TTC28: variants seen among roughly 807,000 people sequenced by gnomAD.
TTC28 encodes the protein tetratricopeptide repeat domain 28.
TTC28 carries 61 observed loss-of-function variants against 198.0 expected under a neutral mutation model. The ratio of observed to expected loss-of-function variants is 0.31; its 90% confidence interval spans 0.25 to 0.38. TTC28 has a LOEUF of 0.38. TTC28 is among the 10% of genes least tolerant of loss of function. The pLI is 1.00. For missense variants in TTC28, 2,678 were observed against 3,164.0 expected, an observed-to-expected ratio of 0.85 and a Z score of 3.69; for synonymous variants, 1,171 against 1,297.8, an observed-to-expected ratio of 0.90 and a Z score of 2.10.
At chr22:28,634,513 A>G (rs1051791593) in intron 1 of TTC28, among the ~76,000 whole-genome samples, 1 of 151,376 alleles carries the variant, frequency 6.6e-6, no homozygotes, top group Non-Finnish European at 1.5e-5. Context: ...CTCAAAAAAA[A>G]AAAAAAAAAA....
At chr22:28,553,011 G>A (rs2145968141) in intron 2 of TTC28, among the ~76,000 whole-genome samples, 1 of 152,282 alleles carries the variant, frequency 6.6e-6, no homozygotes, top group South Asian at 2.1e-4. Flanking sequence ...CTGGTCTCCA[G>A]CTCCTAACCG....
chr22:28,074,747 C>CCT (rs541848848), intron 12 of TTC28, among the ~76,000 whole-genome samples: 1 of 123,180 alleles, frequency 8.1e-6, no homozygotes, highest in African/African-American at 3.0e-5. Flanking sequence ...ACCAGATTAT[C>CCT]CCCCCCCATG....
intron 3 of TTC28, among the ~76,000 whole-genome samples, chr22:28,298,372 C>T (rs893925101): frequency 1.3e-5 from 2 of 152,158 alleles, no homozygotes; most frequent in East Asian, 3.8e-4. Flanking sequence ...TACTGTAACA[C>T]CATAGCAAGT....
At chr22:28,224,756 A>G (rs1299763727) in intron 5 of TTC28, among the ~76,000 whole-genome samples, 7 of 152,172 alleles carry the variant, frequency 4.6e-5, no homozygotes, top group Non-Finnish European at 8.8e-5. Context: ...GTTCCTCCTG[A>G]GGCCCCAGCT....
chr22:28,372,704 A>G (rs1288859913), intron 2 of TTC28, among the ~76,000 whole-genome samples: 1 of 152,016 alleles, frequency 6.6e-6, no homozygotes, highest in African/African-American at 2.4e-5. Flanking sequence ...CTTTCTTCTC[A>G]ATGAATCTCA....
chr22:28,114,861 C>G (rs1229354235), intron 6 of TTC28, among the ~76,000 whole-genome samples: 1 of 152,260 alleles, frequency 6.6e-6, no homozygotes, highest in Non-Finnish European at 1.5e-5. Flanking sequence ...ACTGGGATTG[C>G]AGGGGTAAGC....
chr22:28,390,042 G>C (rs929394915), intron 2 of TTC28, among the ~76,000 whole-genome samples: 7 of 150,088 alleles, frequency 4.7e-5, no homozygotes, highest in African/African-American at 1.7e-4. Flanking sequence ...GGTATGTTGT[G>C]TCTTTGTTCT....
chr22:28,291,475 A>T (rs1404235353), intron 5 of TTC28, among the ~76,000 whole-genome samples: 1 of 152,236 alleles, frequency 6.6e-6, no homozygotes, highest in Non-Finnish European at 1.5e-5. Context: ...CCAAGTAGTG[A>T]TCAAAGAAAT....
At chr22:28,399,175 C>T (rs1336010294) in intron 2 of TTC28, among the ~76,000 whole-genome samples, 2 of 152,068 alleles carry the variant, frequency 1.3e-5, no homozygotes, top group Non-Finnish European at 2.9e-5. Context: ...TTCTTAACTT[C>T]TGGGGATTGC....
At chr22:28,210,126 C>T (rs902084046) in intron 5 of TTC28, among the ~76,000 whole-genome samples, 1 of 152,264 alleles carries the variant, frequency 6.6e-6, no homozygotes, top group East Asian at 1.9e-4. Context: ...CACACCAAAA[C>T]CCCATCTATA....
intron 2 of TTC28, among the ~76,000 whole-genome samples, chr22:28,330,805 A>G (rs1324269991): frequency 2.0e-5 from 3 of 152,202 alleles, no homozygotes; most frequent in African/African-American, 4.8e-5. Flanking sequence ...GGAAATATAT[A>G]AATGCTGCAC....
intron 5 of TTC28, among the ~76,000 whole-genome samples, chr22:28,274,976 TAAAAAA>T (rs34582010): frequency 1.4e-4 from 11 of 77,892 alleles, no homozygotes; most frequent in South Asian, 7.3e-4. Context: ...GAGACTGTCT[TAAAAAA>T]AAAAAAAAAA....
At chr22:28,075,963 A>G (rs1290927412) in intron 12 of TTC28, among the ~76,000 whole-genome samples, 5 of 152,212 alleles carry the variant, frequency 3.3e-5, no homozygotes, top group Admixed American at 1.3e-4. Context: ...ATTCATGCAT[A>G]TATCTCCAGG....
In TTC28 at chr22:28,552,943, T is replaced by C. The variant is rs190063129; in HGVS notation, c.381+76609A>G. 0.014 allele frequency among the ~76,000 whole-genome samples: 2,162 copies of C among 152,170 alleles called. 108 individuals are homozygous for C. In the East Asian group the frequency reaches 0.16, roughly 11 times the overall value. ...CTGTGATTGCAGGCGCGCGCCACCA[T>C]GCCTGACTGGTTTTCGTATTTTTTT... is the stretch of plus-strand genomic sequence containing the variant. On this transcript the variant is annotated intron_variant, in intron 2 of 22. Transcript: ENST00000397906.
chr22:28,125,999 C>G (rs140027302), intron 6 of TTC28, among the ~76,000 whole-genome samples: 1 of 152,036 alleles, frequency 6.6e-6, no homozygotes, highest in East Asian at 1.9e-4. Context: ...AATTAGAAAG[C>G]GGCAAAGTCA....
At chr22:28,065,685 T>C (rs1166795129) in intron 12 of TTC28, among the ~76,000 whole-genome samples, 1 of 152,236 alleles carries the variant, frequency 6.6e-6, no homozygotes, top group African/African-American at 2.4e-5. Flanking sequence ...CTTTTTTACT[T>C]ATTTTGAATG....
At chr22:28,208,349 A>G (rs1168671795) in intron 5 of TTC28, among the ~76,000 whole-genome samples, 1 of 152,182 alleles carries the variant, frequency 6.6e-6, no homozygotes, top group Non-Finnish European at 1.5e-5. Flanking sequence ...TCCATATAGT[A>G]TGCAACTAAA....
intron 5 of TTC28, among the ~76,000 whole-genome samples, chr22:28,202,491 C>A (rs1003446164): frequency 6.6e-6 from 1 of 150,986 alleles, no homozygotes; most frequent in South Asian, 2.1e-4. Flanking sequence ...GAGCCAAGAT[C>A]GCACCACTGC....
intron 12 of TTC28, among the ~76,000 whole-genome samples, chr22:28,052,656 C>T (rs923529022): frequency 1.3e-5 from 2 of 152,096 alleles, no homozygotes; most frequent in African/African-American, 4.8e-5. Flanking sequence ...GTAGGTAATA[C>T]AAAAAAATTG....
Sources: allele counts gnomAD v4.1 joint callset (sites outside exome capture counted in the v4.1 genomes callset), GRCh38; gene constraint gnomAD v4.1.1; transcripts MANE v1.5; gene names NCBI Gene and HGNC (gene_info 2026-07-23, HGNC 2026-07-21).